ARNT2: variants seen among roughly 807,000 people sequenced by gnomAD.
The protein encoded by ARNT2 is ARNT protein 2.
ARNT2 carries 36 observed loss-of-function variants against 91.7 expected under a neutral mutation model. The observed-to-expected ratio is 0.39, with a 90% confidence interval of 0.30 to 0.52. The LOEUF (loss-of-function observed/expected upper bound fraction) is 0.52, where lower values mean the gene tolerates loss of function less well. Ranked by LOEUF, ARNT2 falls within the 20% of genes least tolerant of loss-of-function variation. ARNT2 has a pLI of 0.72. For synonymous variants in ARNT2, 365 were observed against 347.1 expected (o/e 1.05, Z -0.57); for missense variants, 775 against 939.3 (o/e 0.83, Z 2.29).
intron 1 of ARNT2, among the ~76,000 whole-genome samples, chr15:80,416,376 G>A (rs1895786280): frequency 6.6e-6 from 1 of 151,568 alleles, no homozygotes; most frequent in Non-Finnish European, 1.5e-5. Context: ...AACTCTAAAT[G>A]CTTCAAGGTA....
intron 1 of ARNT2, among the ~76,000 whole-genome samples, chr15:80,443,960 G>C (rs947381940): frequency 6.6e-6 from 1 of 152,152 alleles, no homozygotes; most frequent in East Asian, 1.9e-4. Context: ...TGGAAAATTC[G>C]GCCTTGGCTT....
intron 5 of ARNT2, among the ~76,000 whole-genome samples, chr15:80,506,619 C>T (rs1257017547): frequency 6.6e-6 from 1 of 152,222 alleles, no homozygotes; most frequent in African/African-American, 2.4e-5. Context: ...TAGGCCTAGA[C>T]AGGCAGAGGA....
chr15:80,440,529 C>T (rs1431890987), intron 1 of ARNT2, among the ~76,000 whole-genome samples: 2 of 152,202 alleles, frequency 1.3e-5, no homozygotes, highest in South Asian at 2.1e-4. Context: ...TGGGGAGTGA[C>T]ACCATAGTGT....
At chr15:80,433,906 A>G (rs1017957828) in intron 1 of ARNT2, 1 of 152,122 alleles carries the variant, frequency 6.6e-6, no homozygotes, top group Non-Finnish European at 1.5e-5. Context: ...GAGTGGGGAA[A>G]CTCAGCAAGG....
intron 12 of ARNT2, among the ~76,000 whole-genome samples, chr15:80,567,068 T>G (rs1255456127): frequency 6.6e-6 from 1 of 152,078 alleles, no homozygotes; most frequent in African/African-American, 2.4e-5. Context: ...GGCCCGGCCT[T>G]GAAGAAAATA....
intron 17 of ARNT2, among the ~76,000 whole-genome samples, chr15:80,589,651 A>G (rs1893238470): frequency 6.6e-6 from 1 of 152,188 alleles, no homozygotes; most frequent in Non-Finnish European, 1.5e-5. Flanking sequence ...AGAATGGGAC[A>G]GGTGCCTGTC....
chr15:80,542,941 A>G (rs79238951), intron 8 of ARNT2, among the ~76,000 whole-genome samples: 14,396 of 146,200 alleles, frequency 0.098, 794 homozygotes, highest in Admixed American at 0.17. Context: ...CAACAAATAC[A>G]AAAAAAATTA....
chr15:80,477,355 A>G (rs901014397), intron 5 of ARNT2, among the ~76,000 whole-genome samples: 3 of 152,244 alleles, frequency 2.0e-5, no homozygotes, highest in Non-Finnish European at 4.4e-5. Context: ...GTGTCCTCAC[A>G]TGGTGGAAGG....
chr15:80,493,612 T>C (rs1260846633), intron 5 of ARNT2, among the ~76,000 whole-genome samples: 1 of 152,186 alleles, frequency 6.6e-6, no homozygotes, highest in Non-Finnish European at 1.5e-5. Context: ...ATACCCTAGG[T>C]CACTTGTCTT....
chr15:80,558,232 T>C (rs1465613820), intron 11 of ARNT2, among the ~76,000 whole-genome samples: 1 of 152,126 alleles, frequency 6.6e-6, no homozygotes, highest in East Asian at 1.9e-4. Flanking sequence ...TTTTCCTTCA[T>C]AGCAACTATT....
At chr15:80,545,116 C>T (rs1724909825) in intron 8 of ARNT2, among the ~76,000 whole-genome samples, 1 of 152,246 alleles carries the variant, frequency 6.6e-6, no homozygotes, top group Non-Finnish European at 1.5e-5. Context: ...TCCTATCTTC[C>T]TTCATCTCAG....
chr15:80,553,755 T>C (rs1316917050), intron 10 of ARNT2, among the ~76,000 whole-genome samples: 2 of 152,048 alleles, frequency 1.3e-5, no homozygotes, highest in South Asian at 2.1e-4. Flanking sequence ...AGAAAAAATA[T>C]TTATTCTGAG....
chr15:80,585,178 C>G (rs962128323), intron 17 of ARNT2, among the ~76,000 whole-genome samples: 1 of 152,166 alleles, frequency 6.6e-6, no homozygotes, highest in Non-Finnish European at 1.5e-5. Context: ...AATTGTGTTT[C>G]CAGTCTTAGT....
At chr15:80,547,622 AAAATT>A (rs1209041730) in intron 8 of ARNT2, among the ~76,000 whole-genome samples, 1 of 152,252 alleles carries the variant, frequency 6.6e-6, no homozygotes, top group African/African-American at 2.4e-5. Flanking sequence ...TTTCTCAAAA[AAAATT>A]GAACTTGTCA....
At chr15:80,593,530 C>T in intron 18 of ARNT2, 70 bp from the exon 19 acceptor site, 1 of 1,301,812 alleles carries the variant, frequency 7.7e-7, no homozygotes, top group Non-Finnish European at 1.1e-6. Context: ...AGACTGGGCT[C>T]CTGGGACATG....
chr15:80,404,688 G>C lies in ARNT2; in HGVS notation c.31+142G>C. 2.4e-6 allele frequency: 1 copy of C among 422,538 alleles called. No individual in the cohort carries two copies. Among genetic ancestry groups the C allele is most frequent in the Non-Finnish European group, 3.2e-6 (1 of 312,714 alleles). The allele number at this position is 422,538 out of a possible 1,614,324, so 26.2% of individuals were successfully genotyped here. ...GGTGGTGGAGCGGCTGTCACTACGC[G>C]GCAGCCGCAGCATCAGCACCAGAGC... On this transcript the variant is annotated intron_variant, in intron 1 of 18. Coordinates refer to ENST00000303329, the MANE Select transcript of ARNT2 (RefSeq NM_014862.4). This position sits in a 1 kb window ranked among gnomAD's most constrained non-coding sequence, Gnocchi z 5.5.
chr15:80,532,127 G>A (rs1178744148), intron 8 of ARNT2, among the ~76,000 whole-genome samples: 3 of 152,206 alleles, frequency 2.0e-5, no homozygotes, highest in Non-Finnish European at 1.5e-5. Flanking sequence ...CAACACTATA[G>A]AATAGGACCA....
At chr15:80,486,556 G>A (rs1052084345) in intron 5 of ARNT2, among the ~76,000 whole-genome samples, 3 of 152,274 alleles carry the variant, frequency 2.0e-5, no homozygotes, top group South Asian at 2.1e-4. Flanking sequence ...GTTTAACTGC[G>A]GGGAGGACAG....
At position 80,514,118 on chromosome 15, in the gene ARNT2, T is replaced by C. The variant is rs1038805595; in HGVS notation, c.791+142T>C. 5 of 978,442 alleles carry C rather than the reference T, an allele frequency of 5.1e-6. No individual in the cohort carries two copies. In the African/African-American group the frequency reaches 6.5e-5, roughly 13 times the overall value. The allele number at this position is 978,442 out of a possible 1,614,324, so 60.6% of individuals were successfully genotyped here. ...GACATCAGGGTGGCAGTGGCAGAGATGAGAGAGAACAGGGAGTTGGGTGGA... is the reference window on the plus strand; with the variant it reads ...GACATCAGGGTGGCAGTGGCAGAGACGAGAGAGAACAGGGAGTTGGGTGGA... On this transcript the variant is annotated intron_variant, in intron 7 of 18. Transcript: ENST00000303329.
Sources: gnomAD v4.1 joint callset for allele counts (sites outside exome capture counted in the v4.1 genomes callset) on GRCh38, gnomAD v4.1.1 for gene constraint, Gnocchi (gnomAD v3.1) non-coding constraint, MANE v1.5 for transcripts, NCBI Gene and HGNC (gene_info 2026-07-23, HGNC 2026-07-21) for gene names.